ZNF804A: variants seen among roughly 807,000 people sequenced by gnomAD.
The protein encoded by ZNF804A is zinc finger protein 804A.
ZNF804A carries 2 observed loss-of-function variants against 16.5 expected under a neutral mutation model. That is an observed-to-expected ratio of 0.12 (90% CI 0.05 to 0.38). The LOEUF is 0.38. Among genes scored for constraint, ZNF804A ranks in the 10% least tolerant of loss-of-function variants. The pLI is 0.99. For missense variants in ZNF804A, 1,473 were observed against 1,390.7 expected, an observed-to-expected ratio of 1.06 and a Z score of -0.94; for synonymous variants, 534 against 489.6, an observed-to-expected ratio of 1.09 and a Z score of -1.20.
intron 1 of ZNF804A, among the ~76,000 whole-genome samples, chr2:184,626,127 CA>C (rs2105683281): frequency 6.6e-6 from 1 of 152,266 alleles, no homozygotes; most frequent in Admixed American, 6.5e-5. Flanking sequence ...CTCGGCCTCC[CA>C]AAGTGCTGGG....
rs781251560 is a variant in ZNF804A at position 184,938,826 on chromosome 2, C to A, written c.3430C>A (p.Pro1144Thr). Residue 1144 changes from proline to threonine, a missense_variant, in exon 4 of 4, where the codon CCT (proline) becomes ACT (threonine). Transcript: ENST00000302277. ...QIPALTRTSL[P>T]QLSVGPVGPR... is the part of the protein sequence containing the mutation. ...CCCAGCTCTCACCAGAACCTCATTA[C>A]CTCAGCTCTCAGTAGGACCAGTAGG... is the stretch of plus-strand genomic sequence containing the variant. 12 of 1,613,870 alleles carry A rather than the reference C, an allele frequency of 7.4e-6. No individual in the cohort carries two copies. Among genetic ancestry groups the A allele is most frequent in the Non-Finnish European group, 1.7e-6 (2 of 1,179,990 alleles).
chr2:184,753,894 C>T (rs554307449), intron 1 of ZNF804A, among the ~76,000 whole-genome samples: 2 of 151,850 alleles, frequency 1.3e-5, no homozygotes, highest in African/African-American at 2.4e-5. Flanking sequence ...AAAGTTAAAA[C>T]AAAAGATATC....
rs746441977 is a variant in ZNF804A at position 184,936,476 on chromosome 2, C to T, written c.1080C>T (p.Ser360=). 1.2e-6 allele frequency: 2 copies of T among 1,613,748 alleles called. No homozygotes were observed. The highest frequency in any genetic ancestry group is 1.7e-6 in the Non-Finnish European group (2 of 1,179,910). The change falls in exon 4 of 4, where the codon TCC becomes TCT. Residue 360 remains serine (S), a synonymous_variant. Transcript: ENST00000302277. The part of the protein sequence containing the change: ...GNSFELLGNK[S]TVLDMSNDCI... ...GTTTTGAGTTGTTAGGAAATAAATC[C>T]ACAGTTCTTGACATGTCTAATGATT...
At chr2:184,921,068 T>C (rs972337208) in intron 2 of ZNF804A, among the ~76,000 whole-genome samples, 1 of 152,202 alleles carries the variant, frequency 6.6e-6, no homozygotes, top group African/African-American at 2.4e-5. Context: ...AGTTTTACCA[T>C]ATTGGCCTGG....
chr2:184,871,430 CA>C (rs71011064), intron 2 of ZNF804A, among the ~76,000 whole-genome samples: 2 of 128,366 alleles, frequency 1.6e-5, no homozygotes, highest in East Asian at 2.2e-4. Context: ...AAAAAAAAAA[CA>C]AAAAAAAACT....
intron 1 of ZNF804A, among the ~76,000 whole-genome samples, chr2:184,818,881 A>G (rs1304385969): frequency 6.6e-6 from 1 of 152,128 alleles, no homozygotes; most frequent in Non-Finnish European, 1.5e-5. Flanking sequence ...ATATATATGC[A>G]TCCAATACAG....
intron 1 of ZNF804A, among the ~76,000 whole-genome samples, chr2:184,690,646 C>G (rs1692712094): frequency 6.6e-6 from 1 of 151,934 alleles, no homozygotes; most frequent in Admixed American, 6.6e-5. Flanking sequence ...TTCATTAAAT[C>G]AAGAAATATT....
intron 1 of ZNF804A, among the ~76,000 whole-genome samples, chr2:184,770,553 AT>A (rs1292913509): frequency 7.6e-6 from 1 of 132,406 alleles, no homozygotes; most frequent in Non-Finnish European, 1.5e-5. Context: ...TTTATGAAAC[AT>A]TTATGTTCTT....
chr2:184,780,742 T>A (rs1382032330), intron 1 of ZNF804A, among the ~76,000 whole-genome samples: 1 of 151,762 alleles, frequency 6.6e-6, no homozygotes, highest in Non-Finnish European at 1.5e-5. Flanking sequence ...CCATAAATGC[T>A]AGGTCTTAAA....
chr2:184,661,187 C>T (rs1692170634), intron 1 of ZNF804A, among the ~76,000 whole-genome samples: 1 of 152,120 alleles, frequency 6.6e-6, no homozygotes, highest in African/African-American at 2.4e-5. Context: ...TTTTCTCTTC[C>T]ATTTATTAAG....
intron 1 of ZNF804A, among the ~76,000 whole-genome samples, chr2:184,780,752 A>G (rs1218316666): frequency 5.9e-5 from 9 of 151,774 alleles, no homozygotes; most frequent in Non-Finnish European, 1.5e-5. Context: ...TAGGTCTTAA[A>G]AATTCTGGCT....
intron 1 of ZNF804A, among the ~76,000 whole-genome samples, chr2:184,697,596 T>A (rs1454008580): frequency 6.6e-6 from 1 of 152,050 alleles, no homozygotes. Flanking sequence ...AGGGATGTTA[T>A]GAAGATTGAA....
chr2:184,667,008 A>G (rs1032653716), intron 1 of ZNF804A, among the ~76,000 whole-genome samples: 2 of 152,018 alleles, frequency 1.3e-5, no homozygotes, highest in Admixed American at 6.6e-5. Flanking sequence ...TCAAGTGTTT[A>G]TAATGTTGAG....
intron 1 of ZNF804A, among the ~76,000 whole-genome samples, chr2:184,812,167 G>C (rs893622137): frequency 6.6e-6 from 1 of 152,064 alleles, no homozygotes; most frequent in Non-Finnish European, 1.5e-5. Context: ...CAGTTACCTG[G>C]CCCTACAAGC....
intron 1 of ZNF804A, among the ~76,000 whole-genome samples, chr2:184,642,617 T>TA (rs1691810839): frequency 6.9e-6 from 1 of 145,972 alleles, no homozygotes; most frequent in Admixed American, 6.7e-5. Flanking sequence ...CTTTCAACAT[T>TA]ATCTTCTGTG....
At chr2:184,776,365 A>T (rs752191409) in intron 1 of ZNF804A, among the ~76,000 whole-genome samples, 51 of 151,680 alleles carry the variant, frequency 3.4e-4, no homozygotes, top group Middle Eastern at 3.4e-3. Context: ...CGGCAACAGT[A>T]TAGATAGAAA....
At chr2:184,924,079 C>T (rs960036991) in intron 2 of ZNF804A, among the ~76,000 whole-genome samples, 2 of 151,132 alleles carry the variant, frequency 1.3e-5, no homozygotes, top group African/African-American at 4.9e-5. Context: ...CAGGGCAATA[C>T]GGTCTTATAG....
intron 1 of ZNF804A, among the ~76,000 whole-genome samples, chr2:184,642,562 G>C (rs1274370897): frequency 6.6e-6 from 1 of 152,136 alleles, no homozygotes; most frequent in Non-Finnish European, 1.5e-5. Flanking sequence ...ATAGAAGTAA[G>C]ATAGTATACT....
At chr2:184,703,608 T>C (rs1484159407) in intron 1 of ZNF804A, among the ~76,000 whole-genome samples, 1 of 140,556 alleles carries the variant, frequency 7.1e-6, no homozygotes, top group African/African-American at 2.7e-5. Flanking sequence ...GAGAATGGCG[T>C]GAACCCAGGA....
Sources: allele counts gnomAD v4.1 joint callset (sites outside exome capture counted in the v4.1 genomes callset), GRCh38; gene constraint gnomAD v4.1.1; transcripts MANE v1.5; gene names NCBI Gene and HGNC (gene_info 2026-07-23, HGNC 2026-07-21).